SLC24A4: variants seen among roughly 807,000 people sequenced by gnomAD.
SLC24A4 encodes solute carrier family 24 member 4.
A neutral mutation model predicts 79.0 loss-of-function variants in SLC24A4; 53 were observed. The observed-to-expected ratio is 0.67, with a 90% CI of 0.54 to 0.84. The LOEUF (loss-of-function observed/expected upper bound fraction) is 0.84, where lower values mean the gene tolerates loss of function less well. Among genes scored for constraint, SLC24A4 ranks in the 40% least tolerant of loss-of-function variants. The pLI, the probability that SLC24A4 is intolerant of heterozygous loss-of-function variation, is 0.00. For synonymous variants in SLC24A4, 323 were observed against 323.8 expected (o/e 1.00, Z 0.03); for missense variants, 731 against 822.0 (o/e 0.89, Z 1.35).
intron 12 of SLC24A4, among the ~76,000 whole-genome samples, chr14:92,472,885 C>T (rs190001212): frequency 6.6e-6 from 1 of 152,196 alleles, no homozygotes; most frequent in East Asian, 1.9e-4. Context: ...AGTGGTTGTC[C>T]TAGTTGACAT....
At chr14:92,492,292 T>C (rs1895725254) in intron 16 of SLC24A4, 52 bp downstream of exon 16, 1 of 1,539,928 alleles carries the variant, frequency 6.5e-7, no homozygotes, top group Non-Finnish European at 9.0e-7. Flanking sequence ...TGATTTCATC[T>C]GATTCCGCCT....
At chr14:92,465,570 G>T (rs76348133) in intron 12 of SLC24A4, among the ~76,000 whole-genome samples, 1,751 of 152,250 alleles carry the variant, frequency 0.012, 30 homozygotes, top group African/African-American at 0.04. Context: ...CCAGCCGAGG[G>T]AGCTCTGGGC....
intron 14 of SLC24A4, among the ~76,000 whole-genome samples, chr14:92,488,367 C>T (rs1895493905): frequency 6.6e-6 from 1 of 152,190 alleles, no homozygotes; most frequent in Admixed American, 6.5e-5. Flanking sequence ...CCACTGCACC[C>T]AGCAGACTTC....
At chr14:92,396,426 G>A (rs1394545904) in intron 2 of SLC24A4, among the ~76,000 whole-genome samples, 1 of 152,178 alleles carries the variant, frequency 6.6e-6, no homozygotes, top group East Asian at 1.9e-4. Flanking sequence ...GGTTGGGTGA[G>A]CCCAAGGTGC....
chr14:92,331,788 A>C (rs1885493717), intron 2 of SLC24A4, among the ~76,000 whole-genome samples: 1 of 152,184 alleles, frequency 6.6e-6, no homozygotes, highest in Admixed American at 6.5e-5. Context: ...GCCACTCCTG[A>C]AACAGAAAGA....
chr14:92,467,208 C>T (rs540915593), intron 12 of SLC24A4, among the ~76,000 whole-genome samples: 1 of 152,300 alleles, frequency 6.6e-6, no homozygotes, highest in East Asian at 1.9e-4. Flanking sequence ...TGGAGTTCAC[C>T]AAGTGGGATT....
chr14:92,463,584 G>A (rs1384577904), intron 12 of SLC24A4, among the ~76,000 whole-genome samples: 1 of 152,216 alleles, frequency 6.6e-6, no homozygotes, highest in Non-Finnish European at 1.5e-5. Flanking sequence ...GTCACTCTGT[G>A]TGCGCAGAGG....
At chr14:92,415,619 A>T (rs1243732750) in intron 2 of SLC24A4, among the ~76,000 whole-genome samples, 1 of 151,894 alleles carries the variant, frequency 6.6e-6, no homozygotes, top group African/African-American at 2.4e-5. Flanking sequence ...AACCACATCC[A>T]GCTAATTTTT....
intron 2 of SLC24A4, among the ~76,000 whole-genome samples, chr14:92,404,405 A>G (rs1333763149): frequency 6.6e-6 from 1 of 152,158 alleles, no homozygotes; most frequent in Non-Finnish European, 1.5e-5. Flanking sequence ...GTGACTAACC[A>G]TCCCCCATGT....
chr14:92,354,112 T>G (rs1169756378), intron 2 of SLC24A4, among the ~76,000 whole-genome samples: 1 of 151,912 alleles, frequency 6.6e-6, no homozygotes, highest in African/African-American at 2.4e-5. Flanking sequence ...GAAGGCGTGT[T>G]TAGCCTCCTG....
At chr14:92,357,430 T>C (rs1161650484) in intron 2 of SLC24A4, among the ~76,000 whole-genome samples, 1 of 152,132 alleles carries the variant, frequency 6.6e-6, no homozygotes, top group Non-Finnish European at 1.5e-5. Flanking sequence ...AGCCAAGAGG[T>C]AGAAACAGCT....
intron 12 of SLC24A4, among the ~76,000 whole-genome samples, chr14:92,472,111 C>T (rs1177461045): frequency 2.0e-5 from 3 of 152,196 alleles, no homozygotes; most frequent in African/African-American, 7.2e-5. Context: ...CAATCCAAAG[C>T]CCTACTCTGA....
intron 2 of SLC24A4, among the ~76,000 whole-genome samples, chr14:92,362,736 T>C (rs1887606549): frequency 6.6e-6 from 1 of 152,240 alleles, no homozygotes; most frequent in Admixed American, 6.5e-5. Flanking sequence ...TGTGTCACCA[T>C]GCGCTCCTCC....
At chr14:92,483,733 AAG>A in intron 13 of SLC24A4, 1 of 1,289,754 alleles carries the variant, frequency 7.8e-7, no homozygotes, top group Non-Finnish European at 1.0e-6. Flanking sequence ...CCCAGGAGCA[AAG>A]AGAGGGGAAG....
At chr14:92,408,946 G>A (rs1438052755) in intron 2 of SLC24A4, among the ~76,000 whole-genome samples, 1 of 152,200 alleles carries the variant, frequency 6.6e-6, no homozygotes, top group African/African-American at 2.4e-5. Flanking sequence ...CTAGAAGCTG[G>A]AGTTTTCTGA....
chr14:92,474,715 AT>A (rs1566795129), intron 12 of SLC24A4, among the ~76,000 whole-genome samples: 1 of 7,530 alleles, frequency 1.3e-4, no homozygotes, highest in Non-Finnish European at 1.0e-3. Flanking sequence ...GTGTGTATAT[AT>A]ATATACACAC....
At chr14:92,456,652 G>T (rs1254087410) in intron 12 of SLC24A4, 44 bp downstream of exon 12, 2 of 1,586,626 alleles carry the variant, frequency 1.3e-6, no homozygotes, top group Non-Finnish European at 1.7e-6. Flanking sequence ...ATTTTTGGGG[G>T]CTCCATTAGG....
chr14:92,464,313 C>T (rs1047592516), intron 12 of SLC24A4, among the ~76,000 whole-genome samples: 1 of 152,114 alleles, frequency 6.6e-6, no homozygotes, highest in Non-Finnish European at 1.5e-5. Flanking sequence ...CTTGACCAGA[C>T]AGAACCAGGC....
Position 92,500,887 on chromosome 14 carries a change from A to G in SLC24A4, c.*7259A>G, listed in dbSNP as rs113759199. On this transcript the variant is annotated 3_prime_UTR_variant, in exon 17 of 17. Transcript: ENST00000532405. ...AAAAGGCTGTCAGCCAGATGCAGCC[A>G]GGCCCAGGGGTAGATACAGGAGTTG... 2 of 152,348 alleles carry G rather than the reference A, an allele frequency of 1.3e-5. No homozygotes were observed. The highest frequency in any genetic ancestry group is 4.8e-5 in the African/African-American group (2 of 41,456). The allele number at this position is 152,348 out of a possible 1,614,324, so 9.4% of individuals were successfully genotyped here. A position where few individuals can be genotyped will look rare whatever the true frequency, so the allele number is the denominator to read the frequency against.
Sources: gnomAD v4.1 joint callset for allele counts (sites outside exome capture counted in the v4.1 genomes callset) on GRCh38, gnomAD v4.1.1 for gene constraint, MANE v1.5 for transcripts, NCBI Gene and HGNC (gene_info 2026-07-23, HGNC 2026-07-21) for gene names.